The following PAPPA2 variants were observed in gnomAD, a reference collection of about 807,000 sequenced individuals.
The protein encoded by PAPPA2 is pappalysin-2.
PAPPA2 carries 86 observed loss-of-function variants against 176.4 expected under a neutral mutation model. That is an observed-to-expected ratio of 0.49 (90% CI 0.41 to 0.58). The LOEUF (loss-of-function observed/expected upper bound fraction) is 0.58, where lower values mean the gene tolerates loss of function less well. Ranked by LOEUF, PAPPA2 falls within the 20% of genes least tolerant of loss-of-function variation. PAPPA2 has a pLI of 0.00. For missense variants in PAPPA2, 2,073 were observed against 2,256.9 expected (o/e 0.92, Z 1.65); for synonymous variants, 809 against 852.2 (o/e 0.95, Z 0.88).
chr1:176,693,740 C>T (rs1207770819), intron 6 of PAPPA2, among the ~76,000 whole-genome samples: 1 of 152,172 alleles, frequency 6.6e-6, no homozygotes, highest in Non-Finnish European at 1.5e-5. Flanking sequence ...AGCGCCCAAA[C>T]CCTTTTGGGC....
At chr1:176,525,558 A>T (rs1008742940) in intron 1 of PAPPA2, among the ~76,000 whole-genome samples, 1 of 152,084 alleles carries the variant, frequency 6.6e-6, no homozygotes, top group Non-Finnish European at 1.5e-5. Context: ...GGAGAACATT[A>T]AAAAAAATCC....
At chr1:176,676,588 A>C (rs924707954) in intron 4 of PAPPA2, among the ~76,000 whole-genome samples, 1 of 152,148 alleles carries the variant, frequency 6.6e-6, no homozygotes, top group Non-Finnish European at 1.5e-5. Context: ...GAAGCACTAC[A>C]TGGTTGGAGG....
intron 5 of PAPPA2, chr1:176,691,222 G>T: frequency 1.0e-6 from 1 of 956,158 alleles, no homozygotes; most frequent in Non-Finnish European, 1.2e-6. Flanking sequence ...GGTGAAAGAA[G>T]ATATTTTTTC....
At position 176,789,919 on chromosome 1, in the gene PAPPA2, C is replaced by T. The variant is rs762423186; in HGVS notation, c.4826C>T (p.Thr1609Ile). The stretch of plus-strand genomic sequence containing the variant: ...GTGTTTGAAGGCATGTATGAATGTA[C>T]CAATGGCTTCAGCCTGGACAGCCAG... ...PPVFEGMYEC[T>I]NGFSLDSQCV... The change falls in exon 18 of 23, where the codon ACC becomes ATC. Residue 1609 changes from threonine (T) to isoleucine (I), a missense_variant. By Grantham distance (89) the Thr-to-Ile change is moderately conservative. Transcript: ENST00000367662. 1 of 1,614,026 alleles carries T rather than the reference C, an allele frequency of 6.2e-7. No homozygotes were observed. The highest frequency in any genetic ancestry group is 8.5e-7 in the Non-Finnish European group (1 of 1,180,018).
chr1:176,706,963 T>A (rs1660908578), intron 10 of PAPPA2, among the ~76,000 whole-genome samples: 1 of 152,170 alleles, frequency 6.6e-6, no homozygotes, highest in Non-Finnish European at 1.5e-5. Flanking sequence ...CCTAACATAT[T>A]TTAGCCTTGG....
At chr1:176,567,191 A>T (rs887037787) in intron 2 of PAPPA2, among the ~76,000 whole-genome samples, 6 of 152,222 alleles carry the variant, frequency 3.9e-5, no homozygotes, top group Non-Finnish European at 5.9e-5. Flanking sequence ...TAAAGAGAAC[A>T]TCCAGTAAAG....
At chr1:176,575,291 T>C (rs183274625) in intron 2 of PAPPA2, among the ~76,000 whole-genome samples, 212 of 152,286 alleles carry the variant, frequency 1.4e-3, no homozygotes, top group Non-Finnish European at 1.2e-3. Flanking sequence ...GAAATGGAAA[T>C]GGTCAGTGGG....
At chr1:176,740,217 CT>C (rs779588570) in intron 14 of PAPPA2, 21 bp downstream of exon 14, 1 of 1,595,706 alleles carries the variant, frequency 6.3e-7, no homozygotes, top group Non-Finnish European at 8.6e-7. Flanking sequence ...CCCTTTCTTT[CT>C]TTTGTTTCCT....
At chr1:176,823,138 T>C (rs1036289818) in intron 21 of PAPPA2, among the ~76,000 whole-genome samples, 8 of 152,200 alleles carry the variant, frequency 5.3e-5, no homozygotes, top group African/African-American at 1.2e-4. Flanking sequence ...TCCTGAAACA[T>C]TTATTTTGCT....
At chr1:176,491,945 C>T (rs1187579144) in intron 1 of PAPPA2, among the ~76,000 whole-genome samples, 7 of 152,132 alleles carry the variant, frequency 4.6e-5, no homozygotes, top group Admixed American at 4.6e-4. Flanking sequence ...AATTCTATGC[C>T]CTGCACTTGT....
At chr1:176,707,883 C>G (rs903371111) in intron 10 of PAPPA2, among the ~76,000 whole-genome samples, 4 of 152,146 alleles carry the variant, frequency 2.6e-5, no homozygotes, top group Admixed American at 2.6e-4. Flanking sequence ...CAAACATCCC[C>G]TCATGTGATT....
At position 176,595,147 on chromosome 1, in the gene PAPPA2, G is replaced by A; in HGVS notation, c.1543G>A (p.Gly515Arg). 1.2e-6 allele frequency: 2 copies of A among 1,614,182 alleles called. No homozygotes were observed. The highest frequency in any genetic ancestry group is 1.1e-5 in the South Asian group (1 of 91,078). The change falls in exon 3 of 23, where the codon GGA becomes AGA. Residue 515 changes from glycine to arginine, a missense_variant. Physicochemically the swap from Gly to Arg is moderately radical, Grantham distance 125. Around this residue, in one of 4 missense-constraint regions of PAPPA2, gnomAD observed 1,196 missense variants for 1,330.4 expected, o/e 0.90. Coordinates refer to ENST00000367662, the MANE Select transcript of PAPPA2 (RefSeq NM_020318.3). ...TGTGGAATTGATCTCCCAGTACAATGGATACTGGCCCCTTCGGGGAGAGAA... is the reference window on the plus strand; with the variant it reads ...TGTGGAATTGATCTCCCAGTACAATAGATACTGGCCCCTTCGGGGAGAGAA... ...DNVELISQYN[G>R]YWPLRGEKVI...
chr1:176,548,979 A>G (rs1321511051), intron 1 of PAPPA2, among the ~76,000 whole-genome samples: 1 of 152,174 alleles, frequency 6.6e-6, no homozygotes, highest in Non-Finnish European at 1.5e-5. Context: ...ATCAATTAGT[A>G]TATATGAAGT....
chr1:176,750,575 A>G (rs1462812779), intron 14 of PAPPA2, among the ~76,000 whole-genome samples: 1 of 152,208 alleles, frequency 6.6e-6, no homozygotes. Context: ...ACTGCACTCC[A>G]GCCTGGGTGA....
At chr1:176,566,930 C>T (rs992289109) in intron 2 of PAPPA2, among the ~76,000 whole-genome samples, 2 of 152,164 alleles carry the variant, frequency 1.3e-5, no homozygotes, top group Non-Finnish European at 2.9e-5. Flanking sequence ...GTATACCCTG[C>T]ACATCCATTA....
chr1:176,840,323 C>A (rs1667438975), intron 22 of PAPPA2, 52 bp downstream of exon 22: 2 of 1,395,104 alleles, frequency 1.4e-6, no homozygotes, highest in African/African-American at 1.4e-5. Flanking sequence ...GGAATAAAGG[C>A]AGGGTCTTCA....
intron 3 of PAPPA2, chr1:176,616,824 G>C (rs1655291397): frequency 3.0e-6 from 2 of 662,860 alleles, no homozygotes; most frequent in Admixed American, 4.9e-5. Context: ...ATAGGGTTAT[G>C]AAATAATTAA....
At chr1:176,826,826 C>T (rs1301645234) in intron 21 of PAPPA2, among the ~76,000 whole-genome samples, 2 of 152,142 alleles carry the variant, frequency 1.3e-5, no homozygotes, top group African/African-American at 4.8e-5. Flanking sequence ...CCCTCTAGAC[C>T]TGTGTTTACA....
intron 1 of PAPPA2, among the ~76,000 whole-genome samples, chr1:176,502,139 C>G (rs1647999304): frequency 6.6e-6 from 1 of 152,196 alleles, no homozygotes; most frequent in African/African-American, 2.4e-5. Flanking sequence ...TTGTCATTTA[C>G]TATCCTCCAG....
Sources: gnomAD v4.1 joint callset for allele counts (sites outside exome capture counted in the v4.1 genomes callset) on GRCh38, gnomAD v4.1.1 for gene constraint, gnomAD v4.1.1 regional missense constraint, MANE v1.5 for transcripts, NCBI Gene and HGNC (gene_info 2026-07-23, HGNC 2026-07-21) for gene names.